Variants in CRYZL1 observed in about 807,000 individuals in gnomAD.
The protein encoded by CRYZL1 is ferry endosomal RAB5 effector complex subunit 4.
CRYZL1 carries 34 observed loss-of-function variants against 50.6 expected under a neutral mutation model. That is an observed-to-expected ratio of 0.67 (90% CI 0.51 to 0.89). The LOEUF (loss-of-function observed/expected upper bound fraction) is 0.89, where lower values mean the gene tolerates loss of function less well. CRYZL1 is among the 40% of genes least tolerant of loss of function. CRYZL1 has a pLI of 0.00. For synonymous variants in CRYZL1, 125 were observed against 134.3 expected (o/e 0.93, Z 0.48); for missense variants, 354 against 402.3 (o/e 0.88, Z 1.03).
At chr21:33,608,924 T>C (rs1412801655) in intron 6 of CRYZL1, among the ~76,000 whole-genome samples, 1 of 152,160 alleles carries the variant, frequency 6.6e-6, no homozygotes, top group Non-Finnish European at 1.5e-5. Context: ...TTGAGGAACA[T>C]TCATACACTT....
At chr21:33,628,003 C>G (rs563444116) in intron 2 of CRYZL1, among the ~76,000 whole-genome samples, 74 of 152,232 alleles carry the variant, frequency 4.9e-4, no homozygotes, top group African/African-American at 1.7e-3. Flanking sequence ...CCTTGGCCTT[C>G]CAAAGTGCTG....
chr21:33,606,660 G>C (rs1014434289), intron 6 of CRYZL1, among the ~76,000 whole-genome samples: 2 of 151,866 alleles, frequency 1.3e-5, no homozygotes, highest in African/African-American at 4.8e-5. Context: ...GTGGGTTAAT[G>C]TCAACACACT....
At chr21:33,595,313 A>T in intron 11 of CRYZL1, 3 of 1,084,566 alleles carry the variant, frequency 2.8e-6, no homozygotes, top group South Asian at 3.1e-5. Context: ...GTATTCTGAA[A>T]TGTTTCTGTG....
At position 33,595,719 on chromosome 21, in the gene CRYZL1, T is replaced by C; in HGVS notation, c.904+12A>G. 6.2e-7 allele frequency: 1 copy of C among 1,612,276 alleles called. No homozygotes were observed. ...TCAAGCCAGAAACTCAATCAGTCGA[T>C]AAAAAGGATATAAAGATATTTTCCC... On this transcript the variant is annotated intron_variant, in intron 11 of 12. Transcript: ENST00000381554.
At chr21:33,596,745 G>C (rs550080344) in intron 10 of CRYZL1, among the ~76,000 whole-genome samples, 1 of 151,464 alleles carries the variant, frequency 6.6e-6, no homozygotes, top group Non-Finnish European at 1.5e-5. Flanking sequence ...GTCTCTACTA[G>C]GCAGTATTTC....
chr21:33,613,309 A>G (rs1408208215), intron 6 of CRYZL1, among the ~76,000 whole-genome samples: 2 of 152,232 alleles, frequency 1.3e-5, no homozygotes, highest in Non-Finnish European at 2.9e-5. Flanking sequence ...AGTGTTAGTA[A>G]AACTTAAAGG....
At chr21:33,595,127 T>C (rs1479879808) in intron 11 of CRYZL1, 1 of 1,031,894 alleles carries the variant, frequency 9.7e-7, no homozygotes, top group Non-Finnish European at 1.2e-6. Context: ...TTTGAAATTG[T>C]TTGTATATTC....
chr21:33,611,992 C>T (rs1448724831), intron 6 of CRYZL1, among the ~76,000 whole-genome samples: 1 of 152,158 alleles, frequency 6.6e-6, no homozygotes, highest in South Asian at 2.1e-4. Flanking sequence ...TTTCACTGCT[C>T]AATAGAAATT....
intron 4 of CRYZL1, among the ~76,000 whole-genome samples, chr21:33,621,498 C>T (rs1004699743): frequency 6.6e-6 from 1 of 151,734 alleles, no homozygotes; most frequent in Non-Finnish European, 1.5e-5. Flanking sequence ...CATGCCACCA[C>T]GCCCAGCTAA....
intron 1 of CRYZL1, among the ~76,000 whole-genome samples, chr21:33,635,571 G>A (rs961652279): frequency 6.6e-6 from 1 of 151,520 alleles, no homozygotes; most frequent in Admixed American, 6.6e-5. Flanking sequence ...AGCTAGGATG[G>A]TCTTGATCTC....
chr21:33,593,065 AAG>A (rs1331820623), intron 11 of CRYZL1, among the ~76,000 whole-genome samples: 208 of 152,016 alleles, frequency 1.4e-3, no homozygotes, highest in Middle Eastern at 3.4e-3. Flanking sequence ...AAAAAAAAAA[AAG>A]AAAGAAAGAA....
At chr21:33,600,767 A>G (rs1483011903) in intron 8 of CRYZL1, among the ~76,000 whole-genome samples, 2 of 150,690 alleles carry the variant, frequency 1.3e-5, no homozygotes, top group East Asian at 3.9e-4. Flanking sequence ...CTGGGACTAC[A>G]GGTGCCCGCC....
intron 4 of CRYZL1, among the ~76,000 whole-genome samples, chr21:33,621,201 G>A (rs542158335): frequency 4.0e-5 from 6 of 150,240 alleles, no homozygotes; most frequent in South Asian, 4.2e-4. Flanking sequence ...CACCGCGCCC[G>A]GCCGGGGTGT....
At chr21:33,616,606 A>G in intron 5 of CRYZL1, 100 bp downstream of exon 5, 1 of 1,584,840 alleles carries the variant, frequency 6.3e-7, no homozygotes, top group Non-Finnish European at 8.6e-7. Context: ...AAGTACTTCT[A>G]TATGAAGCAA....
intron 4 of CRYZL1, among the ~76,000 whole-genome samples, chr21:33,621,486 C>T (rs369723207): frequency 7.2e-5 from 11 of 151,856 alleles, no homozygotes; most frequent in African/African-American, 1.9e-4. Flanking sequence ...AGACTACAGG[C>T]GCATGCCACC....
chr21:33,615,748 G>A (rs1004281713), intron 5 of CRYZL1, among the ~76,000 whole-genome samples: 2 of 152,112 alleles, frequency 1.3e-5, no homozygotes, highest in African/African-American at 2.4e-5. Flanking sequence ...CAGTTGAAAC[G>A]GTGCATGGAG....
intron 4 of CRYZL1, among the ~76,000 whole-genome samples, chr21:33,621,335 T>G (rs184207673): frequency 3.4e-4 from 52 of 152,126 alleles, no homozygotes; most frequent in African/African-American, 1.2e-3. Context: ...TGTAATTTTT[T>G]TTCAAATTAA....
intron 6 of CRYZL1, among the ~76,000 whole-genome samples, chr21:33,607,515 C>T (rs1477910026): frequency 6.6e-6 from 1 of 152,020 alleles, no homozygotes; most frequent in Non-Finnish European, 1.5e-5. Context: ...GCCTATTGTC[C>T]CAGCTACTTG....
intron 6 of CRYZL1, among the ~76,000 whole-genome samples, chr21:33,610,964 C>T (rs2086867027): frequency 6.6e-6 from 1 of 151,614 alleles, no homozygotes; most frequent in African/African-American, 2.4e-5. Context: ...CTCCTGACCT[C>T]AGGCGATCCA....
Sources: gnomAD v4.1 joint callset for allele counts (sites outside exome capture counted in the v4.1 genomes callset) on GRCh38, gnomAD v4.1.1 for gene constraint, MANE v1.5 for transcripts, NCBI Gene and HGNC (gene_info 2026-07-23, HGNC 2026-07-21) for gene names.